GPC3: variants seen among roughly 807,000 people sequenced by gnomAD.
GPC3 encodes the protein glypican-3.
In GPC3, 3 loss-of-function variants were observed where a neutral mutation model predicts 34.4. That is an observed-to-expected ratio of 0.09 (90% CI 0.04 to 0.23). GPC3 has a LOEUF of 0.23. Among genes scored for constraint, GPC3 ranks in the 10% least tolerant of loss-of-function variants. The probability of loss-of-function intolerance (pLI) is 1.00; values close to 1 mark genes in which losing one functional copy is unlikely to be tolerated. For missense variants in GPC3, 351 were observed against 445.6 expected, an observed-to-expected ratio of 0.79 and a Z score of 1.91; for synonymous variants, 177 against 174.0, an observed-to-expected ratio of 1.02 and a Z score of -0.13.
At chrX:133,547,603 T>A (rs1181462789) in intron 7 of GPC3, among the ~76,000 whole-genome samples, 1 of 111,709 alleles carries the variant, frequency 9.0e-6, no homozygotes, top group Non-Finnish European at 1.9e-5. Flanking sequence ...CAACTGGGAA[T>A]GGGGAAGAGG....
intron 2 of GPC3, among the ~76,000 whole-genome samples, chrX:133,899,000 GTA>G (rs1398062567): frequency 1.8e-5 from 2 of 111,889 alleles, no homozygotes; most frequent in Admixed American, 9.5e-5. Flanking sequence ...CTTCCCATTT[GTA>G]TATGTTTGGT....
At chrX:133,702,749 G>A (rs920857773) in intron 3 of GPC3, among the ~76,000 whole-genome samples, 3 of 111,423 alleles carry the variant, frequency 2.7e-5, no homozygotes, top group African/African-American at 9.8e-5. Flanking sequence ...GGCTCTGTGT[G>A]GGGTAAGGCG....
chrX:133,590,211 G>T (rs1281608772), intron 7 of GPC3, among the ~76,000 whole-genome samples: 1 of 111,575 alleles, frequency 9.0e-6, no homozygotes, highest in African/African-American at 3.3e-5. Flanking sequence ...GCATTCACCA[G>T]ACACCAAATG....
At chrX:133,572,654 A>C (rs2069644167) in intron 7 of GPC3, among the ~76,000 whole-genome samples, 1 of 112,183 alleles carries the variant, frequency 8.9e-6, no homozygotes, top group African/African-American at 3.2e-5. Context: ...AACTGTAAAG[A>C]AATAAAGAAG....
At chrX:133,559,408 G>A (rs1372493770) in intron 7 of GPC3, among the ~76,000 whole-genome samples, 1 of 111,728 alleles carries the variant, frequency 9.0e-6, no homozygotes, top group Non-Finnish European at 1.9e-5. Context: ...ACTGTGCCAG[G>A]TGCCATAGTG....
At chrX:133,969,273 A>T (rs909210374) in intron 1 of GPC3, among the ~76,000 whole-genome samples, 1 of 111,692 alleles carries the variant, frequency 9.0e-6, no homozygotes, top group Non-Finnish European at 1.9e-5. Flanking sequence ...TCAATTATCC[A>T]GTAAACTGAA....
intron 2 of GPC3, among the ~76,000 whole-genome samples, chrX:133,862,593 G>A (rs930107222): frequency 1.8e-5 from 2 of 109,867 alleles, no homozygotes; most frequent in Admixed American, 1.9e-4. Flanking sequence ...GGCAGGCTGA[G>A]GTGGGAGAAT....
At chrX:133,898,665 C>T (rs940338915) in intron 2 of GPC3, among the ~76,000 whole-genome samples, 6 of 111,578 alleles carry the variant, frequency 5.4e-5, no homozygotes, top group Admixed American at 3.8e-4. Context: ...GGGTAATGAC[C>T]GAAACACAAT....
rs746206508 is a variant in GPC3, at chrX:133,706,593, T to C, written c.1033-6565A>G. Among the ~76,000 whole-genome samples the C allele has an allele frequency of 6.2e-5, 7 of 112,119 alleles. 1 individual carries two copies. The South Asian group carries it at 2.6e-3, about 42-fold the overall frequency. On this transcript the variant is annotated intron_variant, in intron 3 of 7. Coordinates refer to ENST00000370818, the MANE Select transcript of GPC3 (RefSeq NM_004484.4). ...AAGACATACAAGTGGCCAATAAAGA[T>C]ATGAAAAAATGCTTATCATCACTAA...
intron 4 of GPC3, among the ~76,000 whole-genome samples, chrX:133,694,013 A>G (rs2071090559): frequency 9.0e-6 from 1 of 110,685 alleles, no homozygotes; most frequent in African/African-American, 3.3e-5. Context: ...ATGTTTTCAC[A>G]CAGTATGAGG....
At chrX:133,606,088 T>A (rs2070047964) in intron 6 of GPC3, among the ~76,000 whole-genome samples, 1 of 112,153 alleles carries the variant, frequency 8.9e-6, no homozygotes, top group Admixed American at 9.5e-5. Flanking sequence ...GTGAAACTTA[T>A]GAAAATATGT....
intron 6 of GPC3, among the ~76,000 whole-genome samples, chrX:133,610,936 G>A (rs1341374010): frequency 9.5e-6 from 1 of 105,442 alleles, no homozygotes; most frequent in African/African-American, 3.5e-5. Flanking sequence ...CCCCAACCCC[G>A]ACTTTACAGG....
intron 2 of GPC3, among the ~76,000 whole-genome samples, chrX:133,796,341 A>G (rs2075582110): frequency 8.9e-6 from 1 of 112,296 alleles, no homozygotes; most frequent in Non-Finnish European, 1.9e-5. Context: ...TAAAAGTACC[A>G]CAGTTGAAAA....
intron 1 of GPC3, among the ~76,000 whole-genome samples, chrX:133,958,718 A>AC (rs1322687604): frequency 9.5e-6 from 1 of 105,695 alleles, no homozygotes; most frequent in African/African-American, 3.5e-5. Flanking sequence ...TGAAAAAAAA[A>AC]AAAAACAAAA....
intron 2 of GPC3, among the ~76,000 whole-genome samples, chrX:133,910,299 C>T (rs1295110944): frequency 2.7e-5 from 3 of 111,379 alleles, no homozygotes; most frequent in Non-Finnish European, 5.6e-5. Flanking sequence ...TGTTTTGCAG[C>T]TGTTGTAGAA....
chrX:133,700,012 G>A lies in GPC3; in HGVS notation c.1049C>T (p.Ala350Val). 1 of 1,192,106 alleles carries A rather than the reference G, an allele frequency of 8.4e-7. No homozygotes were observed. The highest frequency in any genetic ancestry group is 1.1e-6 in the Non-Finnish European group (1 of 878,475). ...KLTTTIGKLCAHSQQRQYRSA... is the reference protein window; with the variant it reads ...KLTTTIGKLCVHSQQRQYRSA... Reference sequence around the variant, plus strand: ...TCTATATTGGCGTTGTTGAGAATGGGCACATAACTTGCCAATCTGAAAAAA... The same window carrying A: ...TCTATATTGGCGTTGTTGAGAATGGACACATAACTTGCCAATCTGAAAAAA... Residue 350 changes from alanine (A) to valine (V), a missense_variant, in exon 4 of 8, where the codon GCC becomes GTC. By Grantham distance (64) the Ala-to-Val change is moderately conservative (BLOSUM62 0). Transcript: ENST00000370818.
chrX:133,637,716 C>T (rs963863896), intron 6 of GPC3, among the ~76,000 whole-genome samples: 1 of 111,361 alleles, frequency 9.0e-6, no homozygotes, highest in Non-Finnish European at 1.9e-5. Context: ...GATCACGGCT[C>T]ACTGCAGCCT....
At chrX:133,715,930 A>C (rs1207298323) in intron 3 of GPC3, among the ~76,000 whole-genome samples, 1 of 111,430 alleles carries the variant, frequency 9.0e-6, no homozygotes, top group Non-Finnish European at 1.9e-5. Context: ...AGGGTCTTCA[A>C]CTGCTAGGCT....
chrX:133,761,900 T>A, intron 2 of GPC3, among the ~76,000 whole-genome samples: 1 of 112,147 alleles, frequency 8.9e-6, no homozygotes, highest in East Asian at 2.8e-4. Flanking sequence ...ATGGTCTGCT[T>A]CTATCAAGCA....
Sources: gnomAD v4.1 joint callset for allele counts (sites outside exome capture counted in the v4.1 genomes callset) on GRCh38, gnomAD v4.1.1 for gene constraint, MANE v1.5 for transcripts, NCBI Gene and HGNC (gene_info 2026-07-23, HGNC 2026-07-21) for gene names.